The following ZNF804B variants were observed in gnomAD, a reference collection of about 807,000 sequenced individuals.
ZNF804B encodes the protein zinc finger 804B.
A neutral mutation model predicts 101.4 loss-of-function variants in ZNF804B; 80 were observed. The observed-to-expected ratio is 0.79, with a 90% CI of 0.66 to 0.95. The LOEUF (loss-of-function observed/expected upper bound fraction) is 0.95. Ranked by LOEUF, ZNF804B falls within the 40% of genes least tolerant of loss-of-function variation. The pLI is 0.00. For missense variants in ZNF804B, 1,673 were observed against 1,561.9 expected (o/e 1.07, Z -1.20); for synonymous variants, 622 against 558.8 (o/e 1.11, Z -1.59).
At position 89,069,412 on chromosome 7, in the gene ZNF804B, T is replaced by A. The variant is rs1789501854; in HGVS notation, c.109-148743T>A. ...AGAACTAATATGAGCTTATTAAGTA[T>A]AATTAGGGAATTTTTGAAACCAGAA... is the stretch of plus-strand genomic sequence containing the variant. On this transcript the variant is annotated intron_variant, in intron 1 of 3. Transcript: ENST00000333190. Among the ~76,000 whole-genome samples the A allele has an allele frequency of 2.0e-5, 3 of 152,310 alleles. No homozygotes were observed. In the South Asian group the frequency reaches 6.2e-4, roughly 32 times the overall value.
At chr7:89,132,510 T>C (rs1450069010) in intron 1 of ZNF804B, among the ~76,000 whole-genome samples, 1 of 151,968 alleles carries the variant, frequency 6.6e-6, no homozygotes, top group Non-Finnish European at 1.5e-5. Context: ...AGGAGCCAGA[T>C]TTACCTGAGA....
At chr7:89,113,783 T>G (rs1790259690) in intron 1 of ZNF804B, among the ~76,000 whole-genome samples, 1 of 152,070 alleles carries the variant, frequency 6.6e-6, no homozygotes, top group Non-Finnish European at 1.5e-5. Flanking sequence ...AAACCTCGTC[T>G]CTACTAAAAA....
chr7:88,974,424 G>A (rs1793584376), intron 1 of ZNF804B, among the ~76,000 whole-genome samples: 1 of 151,120 alleles, frequency 6.6e-6, no homozygotes, highest in South Asian at 2.1e-4. Flanking sequence ...GCATGTATCA[G>A]TTAGATTTAG....
intron 1 of ZNF804B, among the ~76,000 whole-genome samples, chr7:88,917,842 G>T (rs989329621): frequency 4.0e-5 from 6 of 151,862 alleles, no homozygotes; most frequent in African/African-American, 1.5e-4. Flanking sequence ...GCAAATTGAA[G>T]GAAATCCAGA....
At chr7:89,229,277 C>T (rs977420708) in intron 2 of ZNF804B, among the ~76,000 whole-genome samples, 16 of 152,164 alleles carry the variant, frequency 1.1e-4, no homozygotes, top group South Asian at 2.1e-4. Flanking sequence ...ACTGCCAGCA[C>T]GCTGTCACCT....
chr7:88,836,270 T>C (rs1583966695), intron 1 of ZNF804B, among the ~76,000 whole-genome samples: 1 of 151,990 alleles, frequency 6.6e-6, no homozygotes. Flanking sequence ...GTTGAAGTTA[T>C]AGATAAATTC....
intron 1 of ZNF804B, among the ~76,000 whole-genome samples, chr7:89,160,158 A>G (rs1791037226): frequency 6.6e-6 from 1 of 152,194 alleles, no homozygotes; most frequent in Non-Finnish European, 1.5e-5. Context: ...ATAATTAATT[A>G]TTCTATTTTA....
intron 1 of ZNF804B, among the ~76,000 whole-genome samples, chr7:88,997,997 C>T (rs1431930525): frequency 6.6e-6 from 1 of 152,002 alleles, no homozygotes; most frequent in Admixed American, 6.6e-5. Flanking sequence ...ATTAGCCTAC[C>T]ACGCCTGGAA....
intron 1 of ZNF804B, among the ~76,000 whole-genome samples, chr7:89,019,154 C>G (rs1329777405): frequency 6.6e-6 from 1 of 152,030 alleles, no homozygotes; most frequent in African/African-American, 2.4e-5. Flanking sequence ...GCTTTTGCTG[C>G]ATCCCATAAG....
intron 1 of ZNF804B, among the ~76,000 whole-genome samples, chr7:88,997,652 C>T (rs1010633365): frequency 6.6e-6 from 1 of 152,058 alleles, no homozygotes; most frequent in Non-Finnish European, 1.5e-5. Context: ...ACCTGGAAAC[C>T]TGAAGGAATC....
At chr7:89,207,554 A>C (rs1788732870) in intron 1 of ZNF804B, among the ~76,000 whole-genome samples, 1 of 152,210 alleles carries the variant, frequency 6.6e-6, no homozygotes, top group African/African-American at 2.4e-5. Context: ...GGGTGGGGAC[A>C]TAGAGCCAAA....
intron 1 of ZNF804B, among the ~76,000 whole-genome samples, chr7:89,163,753 G>C (rs933749013): frequency 1.3e-5 from 2 of 152,036 alleles, no homozygotes; most frequent in African/African-American, 2.4e-5. Flanking sequence ...ACCTATACCT[G>C]CTTCATAAAC....
In ZNF804B at chr7:88,955,576, C is replaced by T. The variant is rs532092240; in HGVS notation, c.108+195492C>T. On this transcript the variant is annotated intron_variant, in intron 1 of 3. Transcript: ENST00000333190. ...TTCCTTTTCATCATTTTACATTCTA[C>T]CCAAATCTTTAGTAAAAAGCCTATT... Among the ~76,000 whole-genome samples, 6 of 151,648 alleles carry T rather than the reference C, an allele frequency of 4.0e-5. No individual in the cohort carries two copies. The East Asian group carries it at 1.2e-3, about 30-fold the overall frequency.
Position 89,335,639 on chromosome 7 carries a change from T to A in ZNF804B, c.2657T>A (p.Val886Asp). The change falls in exon 4 of 4, where the codon GTC becomes GAC. Residue 886 changes from valine to aspartate, a missense_variant. Transcript: ENST00000333190. The stretch of plus-strand genomic sequence containing the variant: ...CCTCACATTTGTGATCTGGGAAAAG[T>A]CAGGCCCATGAAGTGTAACTCCGGG... ...GSPHICDLGK[V>D]RPMKCNSGNI... 3.1e-6 allele frequency: 5 copies of A among 1,613,954 alleles called. No homozygotes were observed. The highest frequency in any genetic ancestry group is 4.2e-6 in the Non-Finnish European group (5 of 1,179,942).
intron 1 of ZNF804B, among the ~76,000 whole-genome samples, chr7:88,815,050 G>A (rs1283271900): frequency 9.4e-5 from 14 of 148,332 alleles, no homozygotes; most frequent in Middle Eastern, 3.7e-3. Flanking sequence ...GTGTGTGTGT[G>A]TATATATTCT....
intron 2 of ZNF804B, among the ~76,000 whole-genome samples, chr7:89,274,421 T>C (rs1053787099): frequency 6.9e-6 from 1 of 145,696 alleles, no homozygotes; most frequent in Non-Finnish European, 1.5e-5. Flanking sequence ...TTTGGTTTTT[T>C]GTTCTTGTGA....
At chr7:89,300,603 T>TCTCCTTA (rs1790456700) in intron 2 of ZNF804B, among the ~76,000 whole-genome samples, 1 of 151,852 alleles carries the variant, frequency 6.6e-6, no homozygotes, top group Non-Finnish European at 1.5e-5. Flanking sequence ...ATGGCATATT[T>TCTCCTTA]GAGTCATAGA....
chr7:89,009,994 A>G (rs1282235570), intron 1 of ZNF804B, among the ~76,000 whole-genome samples: 1 of 152,166 alleles, frequency 6.6e-6, no homozygotes, highest in African/African-American at 2.4e-5. Flanking sequence ...CTCTAAATCT[A>G]TCACCAAATT....
intron 1 of ZNF804B, among the ~76,000 whole-genome samples, chr7:89,199,763 G>A (rs1282937965): frequency 1.3e-5 from 2 of 151,162 alleles, no homozygotes; most frequent in African/African-American, 4.9e-5. Flanking sequence ...TTCTATTTTT[G>A]TCACTTCCTC....
Sources: allele counts gnomAD v4.1 joint callset (sites outside exome capture counted in the v4.1 genomes callset), GRCh38; gene constraint gnomAD v4.1.1; transcripts MANE v1.5; gene names NCBI Gene and HGNC (gene_info 2026-07-23, HGNC 2026-07-21).